NUDT3: variants seen among roughly 807,000 people sequenced by gnomAD.
NUDT3 encodes diphosphoinositol polyphosphate phosphohydrolase 1.
Under a neutral mutation model 23.6 loss-of-function variants are expected in NUDT3, and 9 were observed. The ratio of observed to expected loss-of-function variants is 0.38; its 90% CI spans 0.23 to 0.66. The LOEUF is 0.66. Among genes scored for constraint, NUDT3 ranks in the 30% least tolerant of loss-of-function variants. The pLI is 0.52. For synonymous variants in NUDT3, 86 were observed against 82.6 expected (o/e 1.04, Z -0.22); for missense variants, 172 against 218.5 (o/e 0.79, Z 1.34).
intron 2 of NUDT3, among the ~76,000 whole-genome samples, chr6:34,326,316 G>C (rs1191984086): frequency 4.6e-5 from 7 of 152,014 alleles, no homozygotes; most frequent in Non-Finnish European, 8.8e-5. Context: ...ATATTCCCAA[G>C]GTTAAAAACC....
At chr6:34,327,090 G>A (rs541076825) in intron 2 of NUDT3, among the ~76,000 whole-genome samples, 8 of 152,046 alleles carry the variant, frequency 5.3e-5, no homozygotes, top group African/African-American at 1.9e-4. Flanking sequence ...AAAACAAGGG[G>A]GCAGGGTAAG....
chr6:34,370,184 C>T (rs749327632), intron 1 of NUDT3, among the ~76,000 whole-genome samples: 3 of 152,180 alleles, frequency 2.0e-5, no homozygotes, highest in Non-Finnish European at 4.4e-5. Flanking sequence ...CTTCTTGGCA[C>T]CATTCTACAA....
At chr6:34,375,628 C>T (rs1054179130) in intron 1 of NUDT3, among the ~76,000 whole-genome samples, 3 of 152,204 alleles carry the variant, frequency 2.0e-5, no homozygotes, top group Non-Finnish European at 2.9e-5. Context: ...AACTCTCCTT[C>T]TCAGAATAGA....
At chr6:34,362,985 T>C (rs1406240651) in intron 1 of NUDT3, among the ~76,000 whole-genome samples, 1 of 152,202 alleles carries the variant, frequency 6.6e-6, no homozygotes, top group East Asian at 1.9e-4. Flanking sequence ...ATGAGAGTCC[T>C]GAGAATTTGC....
In NUDT3 at chr6:34,323,433, G is replaced by A. The variant is rs1166881757; in HGVS notation, c.210+18429C>T. Reference sequence around the variant, plus strand: ...AATACAAAAATTAGCTGGGTGTGGTGGCTTGTGCCTGTAGTCCCAGCTACT... The same window carrying A: ...AATACAAAAATTAGCTGGGTGTGGTAGCTTGTGCCTGTAGTCCCAGCTACT... On this transcript the variant is annotated intron_variant, in intron 2 of 4. Coordinates refer to ENST00000607016, the MANE Select transcript of NUDT3 (RefSeq NM_006703.4). 2.6e-5 allele frequency among the ~76,000 whole-genome samples: 4 copies of A among 152,092 alleles called. No homozygotes were observed. In the South Asian group the frequency reaches 6.2e-4, roughly 24 times the overall value.
intron 1 of NUDT3, among the ~76,000 whole-genome samples, chr6:34,389,067 AC>A (rs1436397974): frequency 6.6e-6 from 1 of 152,176 alleles, no homozygotes; most frequent in East Asian, 1.9e-4. Flanking sequence ...CAGGAGTTTG[AC>A]AATAGCCTGG....
At chr6:34,326,847 C>G (rs146749220) in intron 2 of NUDT3, among the ~76,000 whole-genome samples, 2 of 152,110 alleles carry the variant, frequency 1.3e-5, no homozygotes, top group Admixed American at 1.3e-4. Context: ...GTGATCCACC[C>G]GCCGTGGCCT....
intron 2 of NUDT3, among the ~76,000 whole-genome samples, chr6:34,299,915 T>A (rs1032699807): frequency 1.5e-4 from 20 of 129,302 alleles, no homozygotes; most frequent in African/African-American, 3.1e-4. Flanking sequence ...AAAAAAAAAA[T>A]ATTTTTTTTA....
intron 2 of NUDT3, among the ~76,000 whole-genome samples, chr6:34,313,663 T>TA (rs555768374): frequency 0.013 from 1,927 of 144,142 alleles, 25 homozygotes; most frequent in African/African-American, 0.037. Context: ...TAAAACGGCT[T>TA]AAAAAAAAAA....
At chr6:34,351,741 CAAAAAAAA>C (rs1017090378) in intron 1 of NUDT3, among the ~76,000 whole-genome samples, 1 of 54,340 alleles carries the variant, frequency 1.8e-5, no homozygotes, top group African/African-American at 6.8e-5. Flanking sequence ...AACTCTGTCT[CAAAAAAAA>C]AAAAAAAAAA....
chr6:34,316,342 C>T (rs1007976055), intron 2 of NUDT3, among the ~76,000 whole-genome samples: 3 of 152,102 alleles, frequency 2.0e-5, no homozygotes, highest in Non-Finnish European at 4.4e-5. Flanking sequence ...TAAAGAGGAA[C>T]AAAAATGGAG....
intron 1 of NUDT3, among the ~76,000 whole-genome samples, chr6:34,384,203 C>T (rs768325002): frequency 2.6e-5 from 4 of 152,208 alleles, no homozygotes; most frequent in Non-Finnish European, 4.4e-5. Flanking sequence ...CAATGTCAAT[C>T]ATCTCTCCGT....
chr6:34,293,690 T>TA (rs1352692569), intron 3 of NUDT3, among the ~76,000 whole-genome samples, 155 bp from the exon 4 acceptor site: 3 of 152,356 alleles, frequency 2.0e-5, no homozygotes, highest in Admixed American at 1.3e-4. Flanking sequence ...CTACATGATT[T>TA]AAAGCAGGCC....
chr6:34,311,844 T>TGCTG (rs1448601531), intron 2 of NUDT3, among the ~76,000 whole-genome samples: 1 of 152,218 alleles, frequency 6.6e-6, no homozygotes, highest in Non-Finnish European at 1.5e-5. Context: ...CTACATATGA[T>TGCTG]GCTGGCATTT....
At chr6:34,309,108 C>T (rs1763729157) in intron 2 of NUDT3, among the ~76,000 whole-genome samples, 1 of 151,934 alleles carries the variant, frequency 6.6e-6, no homozygotes, top group African/African-American at 2.4e-5. Flanking sequence ...TGGCTGGGGA[C>T]AGTGGCTCAC....
chr6:34,286,890 A>C lies in NUDT3; in HGVS notation c.*1863T>G, dbSNP rs1210902176. 2.0e-5 allele frequency: 3 copies of C among 149,674 alleles called. No individual in the cohort carries two copies. The highest frequency in any genetic ancestry group is 7.4e-5 in the African/African-American group (3 of 40,532). The allele number at this position is 149,674 out of a possible 1,614,324, so 9.3% of individuals were successfully genotyped here. A position where few individuals can be genotyped will look rare whatever the true frequency, so the allele number is the denominator to read the frequency against. ...ACTGCAACCTCTGCCTCCCAGGTTCAAGCGATTATCTCGCCTCAGCCTCCC... is the reference window on the plus strand; with the variant it reads ...ACTGCAACCTCTGCCTCCCAGGTTCCAGCGATTATCTCGCCTCAGCCTCCC... On this transcript the variant is annotated 3_prime_UTR_variant, in exon 5 of 5. Transcript: ENST00000607016.
chr6:34,308,735 C>T (rs1763722950), intron 2 of NUDT3, among the ~76,000 whole-genome samples: 1 of 152,128 alleles, frequency 6.6e-6, no homozygotes, highest in Non-Finnish European at 1.5e-5. Flanking sequence ...GTCAGTTCTA[C>T]AAGATGACAT....
At chr6:34,350,665 A>G (rs892162618) in intron 1 of NUDT3, among the ~76,000 whole-genome samples, 7 of 150,854 alleles carry the variant, frequency 4.6e-5, no homozygotes, top group Admixed American at 2.0e-4. Flanking sequence ...AAGCCATTCT[A>G]CTATTTTTAA....
intron 2 of NUDT3, among the ~76,000 whole-genome samples, chr6:34,339,285 G>A (rs1208728000): frequency 6.6e-6 from 1 of 152,182 alleles, no homozygotes; most frequent in Non-Finnish European, 1.5e-5. Context: ...TTTAGGAAAA[G>A]TGCTTTTTAA....
Sources: gnomAD v4.1 joint callset for allele counts (sites outside exome capture counted in the v4.1 genomes callset) on GRCh38, gnomAD v4.1.1 for gene constraint, MANE v1.5 for transcripts, NCBI Gene and HGNC (gene_info 2026-07-23, HGNC 2026-07-21) for gene names.